The following MAPKAP1 variants were observed in gnomAD, a reference collection of about 807,000 sequenced individuals.
MAPKAP1 encodes the protein MAPK associated protein 1, also known as target of rapamycin complex 2 subunit MAPKAP1.
Under a neutral mutation model 65.7 loss-of-function variants are expected in MAPKAP1, and 20 were observed. The observed-to-expected ratio is 0.30, with a 90% CI of 0.21 to 0.44. The LOEUF is 0.44. MAPKAP1 is among the 20% of genes least tolerant of loss of function. The probability of loss-of-function intolerance (pLI) is 1.00; values close to 1 mark genes in which losing one functional copy is unlikely to be tolerated. For synonymous variants in MAPKAP1, 222 were observed against 244.3 expected (o/e 0.91, Z 0.85); for missense variants, 423 against 648.0 (o/e 0.65, Z 3.77).
At chr9:125,485,457 T>A (rs1195661832) in intron 8 of MAPKAP1, among the ~76,000 whole-genome samples, 3 of 152,260 alleles carry the variant, frequency 2.0e-5, no homozygotes, top group African/African-American at 7.2e-5. Flanking sequence ...GCCTCCTGAA[T>A]GAAGAACACT....
chr9:125,703,795 G>A (rs952098463), intron 1 of MAPKAP1, among the ~76,000 whole-genome samples: 10 of 149,258 alleles, frequency 6.7e-5, no homozygotes, highest in Non-Finnish European at 1.3e-4. Flanking sequence ...AACAAGTAAC[G>A]TGACAGAAGT....
intron 4 of MAPKAP1, among the ~76,000 whole-genome samples, chr9:125,623,725 G>A (rs1323135044): frequency 7.8e-5 from 3 of 38,268 alleles, no homozygotes; most frequent in African/African-American, 1.2e-4. Context: ...TCAGCCCCCC[G>A]CCCGGCCAGC....
intron 4 of MAPKAP1, among the ~76,000 whole-genome samples, chr9:125,611,414 A>C (rs1832597092): frequency 6.6e-6 from 1 of 152,234 alleles, no homozygotes; most frequent in African/African-American, 2.4e-5. Flanking sequence ...GAAATAAGAA[A>C]GAGAAATTAA....
chr9:125,504,046 T>C (rs1265045427), intron 8 of MAPKAP1, among the ~76,000 whole-genome samples: 1 of 151,968 alleles, frequency 6.6e-6, no homozygotes, highest in Non-Finnish European at 1.5e-5. Context: ...CTCCTTAAGA[T>C]AATTTCCAAA....
intron 8 of MAPKAP1, among the ~76,000 whole-genome samples, chr9:125,486,635 A>C (rs1392754184): frequency 1.3e-5 from 2 of 152,104 alleles, no homozygotes; most frequent in African/African-American, 2.4e-5. Context: ...TTTGTGTTCT[A>C]TTTGCAAACA....
chr9:125,694,575 G>GA (rs1835328017), intron 1 of MAPKAP1, among the ~76,000 whole-genome samples: 1 of 152,128 alleles, frequency 6.6e-6, no homozygotes, highest in Non-Finnish European at 1.5e-5. Context: ...ACACTACAGA[G>GA]AAAATGTATG....
At chr9:125,700,756 T>C (rs769844905) in intron 1 of MAPKAP1, among the ~76,000 whole-genome samples, 4 of 152,210 alleles carry the variant, frequency 2.6e-5, no homozygotes, top group Admixed American at 6.5e-5. Flanking sequence ...TACAATAGAG[T>C]ATGAATGAAA....
In MAPKAP1 at chr9:125,544,823, C is replaced by T. The variant is rs1830374199; in HGVS notation, c.849-1655G>A. ...CAAGCTAAGTTCTGGAAAAGCTTCCCAATGGTAGGACAGGCTGGGAAGGGC... is the reference window on the plus strand; with the variant it reads ...CAAGCTAAGTTCTGGAAAAGCTTCCTAATGGTAGGACAGGCTGGGAAGGGC... On this transcript the variant is annotated intron_variant, in intron 6 of 11. Transcript: ENST00000265960. Among the ~76,000 whole-genome samples the T allele has an allele frequency of 2.6e-5, 4 of 152,166 alleles. No homozygotes were observed. In the South Asian group the frequency reaches 8.3e-4, roughly 32 times the overall value.
chr9:125,507,964 G>A (rs1829193008), intron 7 of MAPKAP1, among the ~76,000 whole-genome samples: 1 of 152,094 alleles, frequency 6.6e-6, no homozygotes, highest in African/African-American at 2.4e-5. Flanking sequence ...GAACCCAGGA[G>A]TTCGAGACCA....
At chr9:125,565,741 CAAAA>C (rs71374275) in intron 5 of MAPKAP1, 2,432 of 145,334 alleles carry the variant, frequency 0.017, 1 homozygote, top group Middle Eastern at 0.034. Flanking sequence ...TTCTCTCCTG[CAAAA>C]AAAAAAAAAA....
intron 4 of MAPKAP1, among the ~76,000 whole-genome samples, chr9:125,641,500 C>T (rs990952614): frequency 2.0e-5 from 3 of 152,054 alleles, no homozygotes; most frequent in Non-Finnish European, 4.4e-5. Flanking sequence ...CTAAACAGAA[C>T]TGGGTGAGTT....
At chr9:125,502,953 T>C (rs1305138080) in intron 8 of MAPKAP1, among the ~76,000 whole-genome samples, 1 of 151,462 alleles carries the variant, frequency 6.6e-6, no homozygotes, top group Non-Finnish European at 1.5e-5. Flanking sequence ...ATTTTGAGCA[T>C]ATAGGTTTAG....
chr9:125,605,853 T>C (rs1476995838), intron 4 of MAPKAP1, among the ~76,000 whole-genome samples: 1 of 152,208 alleles, frequency 6.6e-6, no homozygotes, highest in Admixed American at 6.5e-5. Context: ...AGAAAGTTGG[T>C]TGATTTAGGA....
chr9:125,668,155 T>C (rs1834394362), intron 3 of MAPKAP1, among the ~76,000 whole-genome samples: 1 of 152,238 alleles, frequency 6.6e-6, no homozygotes, highest in African/African-American at 2.4e-5. Flanking sequence ...AACCATAGTA[T>C]GAGAAATCAA....
intron 9 of MAPKAP1, among the ~76,000 whole-genome samples, chr9:125,477,064 A>G (rs1854137691): frequency 6.6e-6 from 1 of 152,270 alleles, no homozygotes. Context: ...TTATGATTAT[A>G]CATACTGGAC....
intron 1 of MAPKAP1, among the ~76,000 whole-genome samples, chr9:125,674,219 T>C (rs1834579077): frequency 6.6e-6 from 1 of 151,738 alleles, no homozygotes; most frequent in Non-Finnish European, 1.5e-5. Flanking sequence ...GCAGGTAAAA[T>C]GCTCAAAAAA....
chr9:125,535,553 A>G (rs1373300549), intron 7 of MAPKAP1, among the ~76,000 whole-genome samples: 1 of 152,192 alleles, frequency 6.6e-6, no homozygotes, highest in East Asian at 1.9e-4. Context: ...GAGCACAGAT[A>G]GCCCTTTCCT....
chr9:125,687,647 T>C (rs1192078997), intron 1 of MAPKAP1, among the ~76,000 whole-genome samples: 1 of 149,016 alleles, frequency 6.7e-6, no homozygotes, highest in Non-Finnish European at 1.5e-5. Flanking sequence ...TAACCAGGCA[T>C]GGGGGCACAT....
chr9:125,684,232 A>T (rs1191375115), intron 1 of MAPKAP1, among the ~76,000 whole-genome samples: 1 of 152,206 alleles, frequency 6.6e-6, no homozygotes, highest in Non-Finnish European at 1.5e-5. Context: ...CGATAATGTA[A>T]TGGTTCAAAT....
Sources: allele counts gnomAD v4.1 joint callset (sites outside exome capture counted in the v4.1 genomes callset), GRCh38; gene constraint gnomAD v4.1.1; transcripts MANE v1.5; gene names NCBI Gene and HGNC (gene_info 2026-07-23, HGNC 2026-07-21).